Variants in COMMD10 observed in about 807,000 individuals in gnomAD.
COMMD10 encodes COMM domain containing 10, also known as COMM domain-containing protein 10.
In COMMD10, 33 loss-of-function variants were observed where a neutral mutation model predicts 28.9. The ratio of observed to expected loss-of-function variants is 1.14; its 90% CI spans 0.87 to 1.53. The LOEUF is 1.53. Among genes scored for constraint, COMMD10 ranks in the 40% most tolerant of loss-of-function variants. COMMD10 has a pLI of 0.00. For synonymous variants in COMMD10, 110 were observed against 81.7 expected (o/e 1.35, Z -1.87); for missense variants, 310 against 233.4 (o/e 1.33, Z -2.14).
Position 116,088,181 on chromosome 5 carries a change from T to C in COMMD10, c.132+594T>C, listed in dbSNP as rs1182185097. On this transcript the variant is annotated intron_variant, in intron 2 of 6. Transcript: ENST00000274458. ...CATCTCATATTTATGGAGCACCCAC[T>C]AACTGCTCTGTGCAGTGCCATGTAT... is the stretch of plus-strand genomic sequence containing the variant. Among the ~76,000 whole-genome samples, 6 of 152,342 alleles carry C rather than the reference T, an allele frequency of 3.9e-5. No individual in the cohort carries two copies. In the East Asian group the frequency reaches 9.6e-4, roughly 24 times the overall value.
intron 5 of COMMD10, among the ~76,000 whole-genome samples, chr5:116,162,805 T>C (rs1323599624): frequency 6.6e-6 from 1 of 152,198 alleles, no homozygotes; most frequent in Non-Finnish European, 1.5e-5. Context: ...TGTTGGGTTA[T>C]CGCACAGAAC....
intron 5 of COMMD10, among the ~76,000 whole-genome samples, chr5:116,170,099 A>G (rs1753270926): frequency 6.6e-6 from 1 of 152,188 alleles, no homozygotes; most frequent in Non-Finnish European, 1.5e-5. Context: ...ACATTGTCTC[A>G]GCCCAAAATC....
At chr5:116,165,700 C>A (rs553844200) in intron 5 of COMMD10, among the ~76,000 whole-genome samples, 1 of 149,456 alleles carries the variant, frequency 6.7e-6, no homozygotes, top group East Asian at 1.9e-4. Flanking sequence ...GTTTCTTTTT[C>A]TTTTTTCTTA....
chr5:116,101,040 A>T (rs1307797505), intron 4 of COMMD10, among the ~76,000 whole-genome samples: 1 of 152,212 alleles, frequency 6.6e-6, no homozygotes, highest in East Asian at 1.9e-4. Flanking sequence ...AATGGCCTCC[A>T]GTTTCATCCA....
At chr5:116,226,241 A>G (rs991423607) in intron 5 of COMMD10, among the ~76,000 whole-genome samples, 1 of 151,956 alleles carries the variant, frequency 6.6e-6, no homozygotes, top group Non-Finnish European at 1.5e-5. Flanking sequence ...TTGTATGACC[A>G]CGTCAGTTTT....
Position 116,101,257 on chromosome 5 carries a change from C to T in COMMD10, c.399+8557C>T, listed in dbSNP as rs374837355. On this transcript the variant is annotated intron_variant, in intron 4 of 6. Coordinates refer to ENST00000274458, the MANE Select transcript of COMMD10 (RefSeq NM_016144.4). ...ATTTCTTTTCCTCTGGGTAGATGCC[C>T]CATTGAGGGATTGCTAGATTGAATG... 5.9e-5 allele frequency among the ~76,000 whole-genome samples: 9 copies of T among 152,116 alleles called. No homozygotes were observed. In the East Asian group the frequency reaches 1.2e-3, roughly 20 times the overall value.
rs1751705375 is a variant in COMMD10, at chr5:116,127,638, A to G, written c.400-6430A>G. On this transcript the variant is annotated intron_variant, in intron 4 of 6. Coordinates refer to ENST00000274458, the MANE Select transcript of COMMD10 (RefSeq NM_016144.4). ...CATGTCCTTTGTAGAGACATGGATG[A>G]AGCTAGAAACCATCATTCTGAGCAA... Among the ~76,000 whole-genome samples the G allele has an allele frequency of 2.0e-5, 3 of 152,220 alleles. No individual in the cohort carries two copies. In the South Asian group the frequency reaches 6.2e-4, roughly 31 times the overall value.
At chr5:116,131,937 GTT>G (rs779443092) in intron 4 of COMMD10, among the ~76,000 whole-genome samples, 2 of 152,032 alleles carry the variant, frequency 1.3e-5, no homozygotes, top group Non-Finnish European at 2.9e-5. Flanking sequence ...TTAGTAATAT[GTT>G]TTAGAACGTA....
intron 5 of COMMD10, among the ~76,000 whole-genome samples, chr5:116,202,752 ATTTG>A (rs1748703041): frequency 1.3e-5 from 2 of 150,608 alleles, no homozygotes; most frequent in Non-Finnish European, 3.0e-5. Context: ...TTTCTTGTAA[ATTTG>A]TTTGAGTTCA....
At chr5:116,196,224 T>C (rs1035839334) in intron 5 of COMMD10, among the ~76,000 whole-genome samples, 7 of 152,112 alleles carry the variant, frequency 4.6e-5, no homozygotes, top group Non-Finnish European at 2.9e-5. Context: ...GAGACTATTA[T>C]TCTAAGTGAA....
rs1046177693 is a variant in COMMD10 at position 116,148,140 on chromosome 5, A to G, written c.510+13962A>G. Reference sequence around the variant, plus strand: ...TACTAACATGTTGACTAAAGTGATCAAGAAGATTTTAGAAATTCTATTCAT... The same window carrying G: ...TACTAACATGTTGACTAAAGTGATCGAGAAGATTTTAGAAATTCTATTCAT... On this transcript the variant is annotated intron_variant, in intron 5 of 6. Coordinates refer to ENST00000274458, the MANE Select transcript of COMMD10 (RefSeq NM_016144.4). Among the ~76,000 whole-genome samples, 15 of 152,060 alleles carry G rather than the reference A, an allele frequency of 9.9e-5. No individual in the cohort carries two copies. In the Middle Eastern group the frequency reaches 0.01, roughly 103 times the overall value.
At chr5:116,181,056 A>ATCACTTGAGCCTGGGAGGT (rs1219071417) in intron 5 of COMMD10, among the ~76,000 whole-genome samples, 10 of 152,186 alleles carry the variant, frequency 6.6e-5, no homozygotes, top group African/African-American at 2.4e-4. Context: ...AGGTGGGAGG[A>ATCACTTGAGCCTGGGAGGT]TCACTTGAGC....
At chr5:116,169,803 A>C (rs1210647310) in intron 5 of COMMD10, among the ~76,000 whole-genome samples, 1 of 152,218 alleles carries the variant, frequency 6.6e-6, no homozygotes, top group Non-Finnish European at 1.5e-5. Flanking sequence ...TCATGCTAAA[A>C]ACACTCAATA....
chr5:116,085,194 G>C, intron 1 of COMMD10, 101 bp downstream of exon 1: 1 of 1,049,252 alleles, frequency 9.5e-7, no homozygotes, highest in Non-Finnish European at 1.4e-6. Context: ...GCGCCGCGGC[G>C]GGCCCGGTTG....
At chr5:116,119,722 C>T (rs1009753572) in intron 4 of COMMD10, among the ~76,000 whole-genome samples, 1 of 151,890 alleles carries the variant, frequency 6.6e-6, no homozygotes, top group African/African-American at 2.4e-5. Context: ...AGGGATCCTC[C>T]TGCCTCAGCT....
intron 5 of COMMD10, among the ~76,000 whole-genome samples, chr5:116,203,301 G>A (rs2112625481): frequency 6.6e-6 from 1 of 152,252 alleles, no homozygotes; most frequent in East Asian, 1.9e-4. Flanking sequence ...ATGGAACCAA[G>A]TTGGAAAACA....
rs372273613 is a variant in COMMD10, at chr5:116,091,982, T to C, written c.244-563T>C. On this transcript the variant is annotated intron_variant, in intron 3 of 6. Coordinates refer to ENST00000274458, the MANE Select transcript of COMMD10 (RefSeq NM_016144.4). ...TAGATCACAAAGATAAATGTGGTTC[T>C]AATTTTTGGTGGGTGTTCAGTAGAA... Among the ~76,000 whole-genome samples the C allele has an allele frequency of 7.2e-5, 11 of 152,358 alleles. No homozygotes were observed. The East Asian group carries it at 1.3e-3, about 19-fold the overall frequency.
At chr5:116,254,978 G>T (rs1386079688) in intron 5 of COMMD10, among the ~76,000 whole-genome samples, 1 of 151,448 alleles carries the variant, frequency 6.6e-6, no homozygotes, top group Non-Finnish European at 1.5e-5. Context: ...GAATCTTGGT[G>T]CTCCTGTATT....
chr5:116,185,955 A>G (rs555296293), intron 5 of COMMD10, among the ~76,000 whole-genome samples: 247 of 152,160 alleles, frequency 1.6e-3, no homozygotes, highest in African/African-American at 5.7e-3. Context: ...ATGTTACCTG[A>G]CTTTACTGCC....
Sources: gnomAD v4.1 joint callset for allele counts (sites outside exome capture counted in the v4.1 genomes callset) on GRCh38, gnomAD v4.1.1 for gene constraint, MANE v1.5 for transcripts, NCBI Gene and HGNC (gene_info 2026-07-23, HGNC 2026-07-21) for gene names.